The following SGIP1 variants were observed in gnomAD, a reference collection of about 807,000 sequenced individuals.
SGIP1 encodes the protein SH3-containing GRB2-like protein 3-interacting protein 1.
SGIP1 carries 38 observed loss-of-function variants against 107.5 expected under a neutral mutation model. That is an observed-to-expected ratio of 0.35 (90% CI 0.27 to 0.46). The LOEUF (loss-of-function observed/expected upper bound fraction) is 0.46. Ranked by LOEUF, SGIP1 falls within the 20% of genes least tolerant of loss-of-function variation. The pLI, the probability that SGIP1 is intolerant of heterozygous loss-of-function variation, is 1.00. For synonymous variants in SGIP1, 365 were observed against 366.1 expected, an observed-to-expected ratio of 1.00 and a Z score of 0.03; for missense variants, 929 against 1,019.5, an observed-to-expected ratio of 0.91 and a Z score of 1.21.
At chr1:66,611,694 T>G (rs1357311784) in intron 1 of SGIP1, among the ~76,000 whole-genome samples, 1 of 152,106 alleles carries the variant, frequency 6.6e-6, no homozygotes, top group Non-Finnish European at 1.5e-5. Flanking sequence ...ACAGATCGGA[T>G]GGACACAAGA....
chr1:66,553,874 C>T (rs2057795333), intron 1 of SGIP1, among the ~76,000 whole-genome samples: 1 of 152,074 alleles, frequency 6.6e-6, no homozygotes, highest in East Asian at 1.9e-4. Flanking sequence ...GTTGGAGTTT[C>T]CTTCCACCTC....
At chr1:66,684,292 C>T (rs572552014) in intron 15 of SGIP1, 1 of 1,477,948 alleles carries the variant, frequency 6.8e-7, no homozygotes, top group East Asian at 2.5e-5. Flanking sequence ...TGACACCCAT[C>T]TACACTGCAC....
chr1:66,676,345 A>G lies in SGIP1; in HGVS notation c.647-659A>G, dbSNP rs143716058. Among the ~76,000 whole-genome samples the G allele has an allele frequency of 5.9e-4, 90 of 152,322 alleles. No individual in the cohort carries two copies. The Middle Eastern group carries it at 0.01, about 17-fold the overall frequency. On this transcript the variant is annotated intron_variant, in intron 12 of 24. Coordinates refer to ENST00000371037, the MANE Select transcript of SGIP1 (RefSeq NM_032291.4). ...AGAAGCACTAACTATTTGCATTATC[A>G]TAGGTATTTTTAATAATCAGAACAG...
intron 1 of SGIP1, among the ~76,000 whole-genome samples, chr1:66,547,409 A>G (rs2056605956): frequency 6.6e-6 from 1 of 152,186 alleles, no homozygotes; most frequent in Admixed American, 6.5e-5. Flanking sequence ...CCTAGTTACA[A>G]ACCCAAATAT....
At chr1:66,613,115 CTT>C (rs913885002) in intron 1 of SGIP1, among the ~76,000 whole-genome samples, 8 of 152,226 alleles carry the variant, frequency 5.3e-5, no homozygotes, top group African/African-American at 1.9e-4. Context: ...ATAATTTTGT[CTT>C]TTGGTGTTGT....
intron 1 of SGIP1, among the ~76,000 whole-genome samples, chr1:66,546,653 C>T (rs998359657): frequency 1.3e-5 from 2 of 152,090 alleles, no homozygotes; most frequent in African/African-American, 4.8e-5. Flanking sequence ...AGTAAGTTAC[C>T]CTGATGAGGT....
intron 9 of SGIP1, among the ~76,000 whole-genome samples, chr1:66,670,732 C>A (rs1188451801): frequency 6.6e-6 from 1 of 151,862 alleles, no homozygotes; most frequent in African/African-American, 2.4e-5. Context: ...TTTAATTTAC[C>A]AAATCTACCC....
intron 18 of SGIP1, among the ~76,000 whole-genome samples, chr1:66,701,927 G>T (rs982704697): frequency 6.6e-6 from 1 of 152,234 alleles, no homozygotes; most frequent in Admixed American, 6.5e-5. Context: ...GAAAGCTGGA[G>T]AGCAGGTGTG....
At chr1:66,550,702 T>C (rs547377333) in intron 1 of SGIP1, among the ~76,000 whole-genome samples, 87 of 152,286 alleles carry the variant, frequency 5.7e-4, no homozygotes, top group African/African-American at 2.0e-3. Flanking sequence ...ATTTATCTCA[T>C]TTAATATTCA....
chr1:66,718,821 G>A lies in SGIP1; in HGVS notation c.1631-473G>A, dbSNP rs2093379871. Among the ~76,000 whole-genome samples the A allele has an allele frequency of 2.6e-5, 4 of 152,080 alleles. No individual in the cohort carries two copies. In the South Asian group the frequency reaches 8.3e-4, roughly 32 times the overall value. Reference sequence around the variant, plus strand: ...TGAGAGTAACTGGGCTTTTTGAAATGGAAATAATCCAGAAAAAAAAAGTGG... The same window carrying A: ...TGAGAGTAACTGGGCTTTTTGAAATAGAAATAATCCAGAAAAAAAAAGTGG... On this transcript the variant is annotated intron_variant, in intron 18 of 24. Coordinates refer to ENST00000371037, the MANE Select transcript of SGIP1 (RefSeq NM_032291.4).
intron 12 of SGIP1, among the ~76,000 whole-genome samples, chr1:66,676,529 A>C (rs950840228): frequency 1.3e-5 from 2 of 152,156 alleles, no homozygotes; most frequent in African/African-American, 4.8e-5. Flanking sequence ...ATGCTGTAAA[A>C]GGTTTATGTA....
intron 19 of SGIP1, among the ~76,000 whole-genome samples, chr1:66,724,110 T>C (rs531154179): frequency 3.3e-5 from 5 of 152,344 alleles, no homozygotes; most frequent in African/African-American, 1.2e-4. Flanking sequence ...GCAGTACATA[T>C]AAATTGTATT....
At chr1:66,712,353 CA>C (rs1457515140) in intron 18 of SGIP1, among the ~76,000 whole-genome samples, 1 of 152,156 alleles carries the variant, frequency 6.6e-6, no homozygotes, top group Non-Finnish European at 1.5e-5. Flanking sequence ...TAAACTTCAA[CA>C]TTGCAAAGTG....
chr1:66,737,180 C>T (rs1323907407), intron 21 of SGIP1, among the ~76,000 whole-genome samples: 1 of 152,128 alleles, frequency 6.6e-6, no homozygotes, highest in East Asian at 1.9e-4. Flanking sequence ...AGTTAACTTT[C>T]ATGTATGGTT....
intron 24 of SGIP1, 135 bp downstream of exon 24, chr1:66,741,571 C>A: frequency 1.2e-6 from 1 of 866,546 alleles, no homozygotes; most frequent in Non-Finnish European, 1.7e-6. Flanking sequence ...AATTAGAAAA[C>A]CAACCAATTA....
At position 66,723,636 on chromosome 1, in the gene SGIP1, A is replaced by T. The variant is rs554553481; in HGVS notation, c.1742+4231A>T. Among the ~76,000 whole-genome samples, 38 of 152,300 alleles carry T rather than the reference A, an allele frequency of 2.5e-4. No individual in the cohort carries two copies. The East Asian group carries it at 7.3e-3, about 29-fold the overall frequency. ...TATCTGTCTTCCAGTTTAAACTAGA[A>T]ATTTGCACAAGGACCATTTGTCCAA... On this transcript the variant is annotated intron_variant, in intron 19 of 24. Coordinates refer to ENST00000371037, the MANE Select transcript of SGIP1 (RefSeq NM_032291.4).
chr1:66,629,906 T>C (rs1044364332), intron 2 of SGIP1, among the ~76,000 whole-genome samples: 1 of 152,212 alleles, frequency 6.6e-6, no homozygotes, highest in Non-Finnish European at 1.5e-5. Flanking sequence ...CTTATGTTAG[T>C]CCACTGAATC....
intron 1 of SGIP1, among the ~76,000 whole-genome samples, chr1:66,573,069 G>A (rs570067499): frequency 3.3e-5 from 5 of 152,094 alleles, no homozygotes; most frequent in Admixed American, 3.3e-4. Flanking sequence ...GGGGGAAATG[G>A]GGAGAGACTT....
At chr1:66,542,021 T>G (rs1013367250) in intron 1 of SGIP1, among the ~76,000 whole-genome samples, 1 of 152,156 alleles carries the variant, frequency 6.6e-6, no homozygotes, top group South Asian at 2.1e-4. Context: ...AATCCTCCCT[T>G]ATCTGCAGAG....
Sources: gnomAD v4.1 joint callset for allele counts (sites outside exome capture counted in the v4.1 genomes callset) on GRCh38, gnomAD v4.1.1 for gene constraint, MANE v1.5 for transcripts, NCBI Gene and HGNC (gene_info 2026-07-23, HGNC 2026-07-21) for gene names.